CCNH: variants seen among roughly 807,000 people sequenced by gnomAD.
CCNH encodes cyclin-H.
CCNH carries 31 observed loss-of-function variants against 41.9 expected under a neutral mutation model. The observed-to-expected ratio is 0.74, with a 90% CI of 0.56 to 1.00. CCNH has a LOEUF of 1.00. Among genes scored for constraint, CCNH ranks in the 50% least tolerant of loss-of-function variants. The pLI, the probability that CCNH is intolerant of heterozygous loss-of-function variation, is 0.00. For synonymous variants in CCNH, 138 were observed against 136.1 expected, an observed-to-expected ratio of 1.01 and a Z score of -0.10; for missense variants, 362 against 388.4, an observed-to-expected ratio of 0.93 and a Z score of 0.57.
At chr5:87,364,376 T>C (rs1580358678) in intron 9 of CCNH, among the ~76,000 whole-genome samples, 1 of 152,174 alleles carries the variant, frequency 6.6e-6, no homozygotes, top group South Asian at 2.1e-4. Context: ...AATGATCAAA[T>C]AGGTTTGGGA....
intron 3 of CCNH, chr5:87,409,028 G>C (rs1471100289): frequency 3.9e-6 from 1 of 253,514 alleles, no homozygotes; most frequent in Non-Finnish European, 7.5e-6. Flanking sequence ...AGAGATGTTA[G>C]AGAAGTAGCT....
intron 9 of CCNH, chr5:87,385,424 T>C (rs770122596): frequency 8.9e-6 from 13 of 1,462,446 alleles, no homozygotes; most frequent in South Asian, 6.9e-5. Flanking sequence ...ATGTAATTTA[T>C]GAATGCAAGT....
downstream of CCNH, chr5:87,391,219 G>C (rs958450977): frequency 2.3e-6 from 1 of 437,448 alleles, no homozygotes; most frequent in East Asian, 3.8e-5. Context: ...ACACCCAGTT[G>C]CCAAAGTTTT....
upstream of CCNH, among the ~76,000 whole-genome samples, chr5:87,377,816 A>G (rs1319185954): frequency 6.6e-6 from 1 of 152,174 alleles, no homozygotes; most frequent in Admixed American, 6.5e-5. Context: ...AGGTTCCCCA[A>G]ATAAATAGTA....
At chr5:87,353,642 T>G (rs1207768206) in intron 9 of CCNH, among the ~76,000 whole-genome samples, 1 of 152,148 alleles carries the variant, frequency 6.6e-6, no homozygotes, top group Non-Finnish European at 1.5e-5. Flanking sequence ...TTTATTTGCC[T>G]GTAGTTTTAC....
At chr5:87,380,688 T>A, upstream of CCNH, 4 of 1,191,100 alleles carry the variant, frequency 3.4e-6, no homozygotes, top group Non-Finnish European at 5.0e-6. Context: ...CAATGCTTTT[T>A]TCTTTGGCTT....
intron 9 of CCNH, among the ~76,000 whole-genome samples, chr5:87,347,049 A>G (rs958292333): frequency 6.6e-6 from 1 of 152,038 alleles, no homozygotes; most frequent in Non-Finnish European, 1.5e-5. Context: ...ATACACAGAC[A>G]GGAACATGCA....
chr5:87,377,044 T>C lies in CCNH; in HGVS notation n.137A>G, dbSNP rs919731021. 5.6e-6 allele frequency: 9 copies of C among 1,612,310 alleles called. No individual in the cohort carries two copies. In the African/African-American group the frequency reaches 1.1e-4, roughly 19 times the overall value. On this transcript the variant is annotated non_coding_transcript_exon_variant, in exon 1 of 1. Transcript: ENST00000607486. Reference sequence around the variant, plus strand: ...GACAGAGAAATAAGCATGGAAGGTATGGTATGGCCATGTTAGTGTGATACA... The same window carrying C: ...GACAGAGAAATAAGCATGGAAGGTACGGTATGGCCATGTTAGTGTGATACA...
chr5:87,412,627 T>C, intron 1 of CCNH, 51 bp downstream of exon 1: 3 of 1,602,844 alleles, frequency 1.9e-6, no homozygotes, highest in Non-Finnish European at 2.6e-6. Context: ...CTCCCGCAGC[T>C]GCTCAGAATT....
chr5:87,369,705 G>T, intron 9 of CCNH: 9 of 772,056 alleles, frequency 1.2e-5, no homozygotes, highest in Non-Finnish European at 1.9e-5. Context: ...ATTTCTTTAA[G>T]AATTATAATT....
At chr5:87,369,716 T>C in intron 9 of CCNH, 1 of 800,746 alleles carries the variant, frequency 1.2e-6, no homozygotes, top group East Asian at 2.7e-5. Context: ...AATTATAATT[T>C]TATGTTAATT....
chr5:87,384,918 TA>T (rs1414780410), intron 9 of CCNH, among the ~76,000 whole-genome samples: 2 of 152,132 alleles, frequency 1.3e-5, no homozygotes, highest in African/African-American at 4.8e-5. Flanking sequence ...CTCAGATTGC[TA>T]ACCTGAGTAG....
At chr5:87,313,086 A>C in the CCNH span, among the ~76,000 whole-genome samples, 1 of 152,172 alleles carries the variant, frequency 6.6e-6, no homozygotes, top group African/African-American at 2.4e-5. Context: ...GAGTGTCAAC[A>C]AGTTGTATGG....
At chr5:87,394,707 T>C in intron 8 of CCNH, 1 of 1,338,396 alleles carries the variant, frequency 7.5e-7, no homozygotes, top group Non-Finnish European at 9.5e-7. Context: ...TTGCCTCTGA[T>C]TATTCACTTA....
chr5:87,379,560 G>A (rs1761560856), upstream of CCNH, among the ~76,000 whole-genome samples: 1 of 152,090 alleles, frequency 6.6e-6, no homozygotes, highest in Non-Finnish European at 1.5e-5. Context: ...CCTACCAGGA[G>A]GAGTTCCATA....
At chr5:87,312,848 T>C in the CCNH span, among the ~76,000 whole-genome samples, 3 of 152,270 alleles carry the variant, frequency 2.0e-5, no homozygotes, top group Admixed American at 6.5e-5. Context: ...CCTAAATCTT[T>C]CGCTATCAGA....
At chr5:87,358,986 T>C (rs1412260867) in intron 9 of CCNH, among the ~76,000 whole-genome samples, 3 of 152,220 alleles carry the variant, frequency 2.0e-5, no homozygotes, top group African/African-American at 7.2e-5. Flanking sequence ...ACACTGCAAC[T>C]TGCTCAACCC....
At chr5:87,335,798 T>C (rs1369985410) in intron 9 of CCNH, among the ~76,000 whole-genome samples, 1 of 152,202 alleles carries the variant, frequency 6.6e-6, no homozygotes, top group Non-Finnish European at 1.5e-5. Flanking sequence ...GAACTAATAT[T>C]TTCTAAAAGG....
Position 87,412,905 on chromosome 5 carries a change from G to A in CCNH, c.-111C>T, listed in dbSNP as rs1400492253. 4 of 1,491,896 alleles carry A rather than the reference G, an allele frequency of 2.7e-6. No individual in the cohort carries two copies. Among genetic ancestry groups the A allele is most frequent in the East Asian group, 2.3e-5 (1 of 42,610 alleles). The allele number at this position is 1,491,896 out of a possible 1,614,324, so 92.4% of individuals were successfully genotyped here. A position where few individuals can be genotyped will look rare whatever the true frequency, so the allele number is the denominator to read the frequency against. On this transcript the variant is annotated 5_prime_UTR_variant, in exon 1 of 9. It adds an upstream start codon to the 5' untranslated region. Coordinates refer to ENST00000256897, the MANE Select transcript of CCNH (RefSeq NM_001239.4). The stretch of plus-strand genomic sequence containing the variant: ...CGAAGATCTCGCGGAAGCCTAGGGC[G>A]TCCGGCTAGCCGGCGCTGGCGCGCT...
Sources: allele counts gnomAD v4.1 joint callset (sites outside exome capture counted in the v4.1 genomes callset), GRCh38; gene constraint gnomAD v4.1.1; transcripts MANE v1.5; gene names NCBI Gene and HGNC (gene_info 2026-07-23, HGNC 2026-07-21).